Variants in SUMF1 observed in about 807,000 individuals in gnomAD.
SUMF1 encodes formylglycine-generating enzyme.
In SUMF1, 48 loss-of-function variants were observed where a neutral mutation model predicts 47.6. That is an observed-to-expected ratio of 1.01 (90% CI 0.80 to 1.28). SUMF1 has a LOEUF of 1.28. SUMF1 is among the 50% of genes most tolerant of loss of function. The probability of loss-of-function intolerance (pLI) is 0.00; values close to 1 mark genes in which losing one functional copy is unlikely to be tolerated. For missense variants in SUMF1, 571 were observed against 485.4 expected (o/e 1.18, Z -1.66); for synonymous variants, 230 against 192.1 (o/e 1.20, Z -1.63).
chr3:4,182,910 G>C (rs1695126376), intron 8 of SUMF1, among the ~76,000 whole-genome samples: 1 of 151,720 alleles, frequency 6.6e-6, no homozygotes, highest in Non-Finnish European at 1.5e-5. Flanking sequence ...ACTCAGCTCA[G>C]GTCATGGGTA....
chr3:4,198,869 G>GA (rs954110369), intron 8 of SUMF1, among the ~76,000 whole-genome samples: 13 of 147,610 alleles, frequency 8.8e-5, no homozygotes, highest in Non-Finnish European at 6.0e-5. Context: ...TGTCCAAAAA[G>GA]AAAAAAAAAG....
intron 9 of SUMF1, among the ~76,000 whole-genome samples, chr3:4,059,192 C>A (rs972000412): frequency 6.6e-6 from 1 of 152,084 alleles, no homozygotes; most frequent in Non-Finnish European, 1.5e-5. Flanking sequence ...TTACTAAATT[C>A]AGCATAAGGC....
At chr3:4,081,849 TAAAG>T (rs1246089050) in intron 8 of SUMF1, among the ~76,000 whole-genome samples, 1 of 152,142 alleles carries the variant, frequency 6.6e-6, no homozygotes, top group African/African-American at 2.4e-5. Context: ...CTCTGACTGA[TAAAG>T]TATGTAAAGC....
chr3:4,238,647 T>G (rs146317943), intron 8 of SUMF1, among the ~76,000 whole-genome samples: 1,957 of 152,302 alleles, frequency 0.013, 52 homozygotes, highest in African/African-American at 0.045. Flanking sequence ...TAAATTTGTT[T>G]AAGTCATTTG....
intron 9 of SUMF1, among the ~76,000 whole-genome samples, chr3:4,049,649 C>G (rs539362468): frequency 2.6e-5 from 4 of 152,262 alleles, no homozygotes; most frequent in Admixed American, 6.5e-5. Context: ...GGGTTGAGAG[C>G]CTGCAACTCC....
chr3:4,434,811 G>GA lies in SUMF1; in HGVS notation c.519+14454dup, dbSNP rs987777296. On this transcript the variant is annotated intron_variant, in intron 3 of 8. Transcript: ENST00000272902. ...GTTCCTAACCAGGTTGATTTTGCTG[G>GA]AAAAAAAAATTCCCTAGAGAATTGT... Among the ~76,000 whole-genome samples, 14 of 151,416 alleles carry GA rather than the reference G, an allele frequency of 9.2e-5. No individual in the cohort carries two copies. The South Asian group carries it at 1.0e-3, about 11-fold the overall frequency.
At chr3:4,426,186 A>G (rs1702062290) in intron 3 of SUMF1, among the ~76,000 whole-genome samples, 1 of 152,230 alleles carries the variant, frequency 6.6e-6, no homozygotes, top group Non-Finnish European at 1.5e-5. Flanking sequence ...TCCAAACTTC[A>G]GAAAGCTTGG....
chr3:4,464,926 T>C (rs976702580), intron 1 of SUMF1, among the ~76,000 whole-genome samples: 9 of 152,234 alleles, frequency 5.9e-5, no homozygotes, highest in Admixed American at 2.6e-4. Context: ...AGATGGCCCA[T>C]ATAGCATCCA....
At position 4,080,122 on chromosome 3, in the gene SUMF1, C is replaced by T. The variant is rs552087312; in HGVS notation, c.1015-11377G>A. ...TTTACCCGTAGTTCACTGGACGTTA[C>T]AAACAGCAATTCTTTACTTCCAGTT... On this transcript the variant is annotated intron_variant and NMD_transcript_variant, in intron 8 of 12. Transcript: ENST00000448413. Among the ~76,000 whole-genome samples the T allele has an allele frequency of 4.6e-5, 7 of 152,134 alleles. No homozygotes were observed. The South Asian group carries it at 1.5e-3, about 32-fold the overall frequency.
intron 8 of SUMF1, among the ~76,000 whole-genome samples, chr3:4,256,342 G>A (rs375536451): frequency 4.7e-4 from 49 of 103,528 alleles, no homozygotes; most frequent in South Asian, 4.3e-3. Flanking sequence ...TTTTTTGAAA[G>A]GATCAACAAA....
chr3:4,398,837 C>A (rs928841125), intron 7 of SUMF1, among the ~76,000 whole-genome samples: 1 of 152,170 alleles, frequency 6.6e-6, no homozygotes, highest in African/African-American at 2.4e-5. Context: ...CCTGATTTAA[C>A]ATATGTGGCT....
chr3:4,426,660 T>C (rs1332589002), intron 3 of SUMF1, among the ~76,000 whole-genome samples: 1 of 152,210 alleles, frequency 6.6e-6, no homozygotes, highest in African/African-American at 2.4e-5. Flanking sequence ...ACAGGAATAG[T>C]GTTCAGGTGT....
chr3:4,220,774 G>C (rs1574991705), intron 8 of SUMF1, among the ~76,000 whole-genome samples: 1 of 152,100 alleles, frequency 6.6e-6, no homozygotes, highest in Non-Finnish European at 1.5e-5. Context: ...AAAACGAGAA[G>C]ACTGAACTAG....
At chr3:4,430,140 C>T (rs1434045539) in intron 3 of SUMF1, among the ~76,000 whole-genome samples, 3 of 152,184 alleles carry the variant, frequency 2.0e-5, no homozygotes, top group African/African-American at 7.2e-5. Context: ...ACTATTCAAG[C>T]ACTTCCCAAC....
chr3:4,356,999 T>G (rs372340653), downstream of SUMF1, among the ~76,000 whole-genome samples: 1 of 151,846 alleles, frequency 6.6e-6, no homozygotes, highest in Non-Finnish European at 1.5e-5. Context: ...TCTGAAAAAC[T>G]GAGTGCAGAT....
At chr3:4,079,887 T>A (rs1414038734) in intron 8 of SUMF1, among the ~76,000 whole-genome samples, 1 of 151,636 alleles carries the variant, frequency 6.6e-6, no homozygotes, top group Non-Finnish European at 1.5e-5. Context: ...CAAAATCACA[T>A]ATATTGTCTC....
chr3:4,382,788 G>A (rs1437703313), intron 7 of SUMF1, among the ~76,000 whole-genome samples: 1 of 127,872 alleles, frequency 7.8e-6, no homozygotes, highest in Non-Finnish European at 1.9e-5. Context: ...GATGAAGCTG[G>A]AAACCATCAT....
At chr3:4,291,975 T>G (rs1697750970) in intron 8 of SUMF1, among the ~76,000 whole-genome samples, 1 of 152,220 alleles carries the variant, frequency 6.6e-6, no homozygotes, top group East Asian at 1.9e-4. Flanking sequence ...GATACAAGGT[T>G]GCTTCCAGTA....
intron 8 of SUMF1, among the ~76,000 whole-genome samples, chr3:4,275,909 A>G (rs923661909): frequency 6.6e-6 from 1 of 152,182 alleles, no homozygotes; most frequent in African/African-American, 2.4e-5. Flanking sequence ...TTCTGCTCAC[A>G]TACTAGAATC....
Sources: allele counts gnomAD v4.1 joint callset (sites outside exome capture counted in the v4.1 genomes callset), GRCh38; gene constraint gnomAD v4.1.1; transcripts MANE v1.5; gene names NCBI Gene and HGNC (gene_info 2026-07-23, HGNC 2026-07-21).